The following PLEKHF1 variants were observed in gnomAD, a reference collection of about 807,000 sequenced individuals.
PLEKHF1 encodes the protein pleckstrin homology and FYVE domain containing 1, also known as pleckstrin homology domain-containing family F member 1.
A neutral mutation model predicts 4.1 loss-of-function variants in PLEKHF1; 1 was observed. The observed-to-expected ratio is 0.24, with a 90% CI of 0.09 to 1.15. The LOEUF (loss-of-function observed/expected upper bound fraction) is 1.15. Ranked by LOEUF, PLEKHF1 falls within the 50% of genes most tolerant of loss-of-function variation. The pLI is 0.52. For missense variants in PLEKHF1, 429 were observed against 400.6 expected (o/e 1.07, Z -0.60); for synonymous variants, 182 against 178.5 (o/e 1.02, Z -0.16).
chr19:29,666,920 C>T (rs1971575850), intron 1 of PLEKHF1: 1 of 152,282 alleles, frequency 6.6e-6, no homozygotes, highest in Non-Finnish European at 1.5e-5. Context: ...CAGGGCTGGA[C>T]AGAGCCCAGG....
At position 29,674,209 on chromosome 19, in the gene PLEKHF1, A is replaced by G; in HGVS notation, c.370A>G (p.Ser124Gly). The G allele has an allele frequency of 3.7e-6, 6 of 1,612,806 alleles. No individual in the cohort carries two copies. Among genetic ancestry groups the G allele is most frequent in the Non-Finnish European group, 5.1e-6 (6 of 1,179,828 alleles). Residue 124 changes from serine (S) to glycine (G), a missense_variant, in exon 2 of 2, where the codon AGC (serine) becomes GGC (glycine). Physicochemically the swap from Ser to Gly is moderately conservative, Grantham distance 56. Coordinates refer to ENST00000436066, the MANE Select transcript of PLEKHF1 (RefSeq NM_024310.5). Reference sequence around the variant, plus strand: ...CGCTACGGAGCGCCAGGAATGGATTAGCCACATCGAGGAGTGCGTGCGGCG... The same window carrying G: ...CGCTACGGAGCGCCAGGAATGGATTGGCCACATCGAGGAGTGCGTGCGGCG... ...ASATERQEWI[S>G]HIEECVRRQL...
At position 29,674,134 on chromosome 19, in the gene PLEKHF1, C is replaced by G. The variant is rs1971666487; in HGVS notation, c.295C>G (p.Arg99Gly). 5 of 1,613,752 alleles carry G rather than the reference C, an allele frequency of 3.1e-6. No individual in the cohort carries two copies. The highest frequency in any genetic ancestry group is 1.7e-5 in the Admixed American group (1 of 60,012). The change falls in exon 2 of 2, where the codon CGC (arginine) becomes GGC (glycine). Residue 99 changes from arginine (R) to glycine (G), a missense_variant. By Grantham distance (125) the Arg-to-Gly change is moderately radical. Transcript: ENST00000436066. ...GCCGGAGACGCTGCAGGCCAAGAAC[C>G]GCTGGATGATCAAGACGGCCAAGAA... ...LLPETLQAKN[R>G]WMIKTAKKSF...
In PLEKHF1 at chr19:29,674,727, G is replaced by T. The variant is rs1428078733; in HGVS notation, c.*48G>T. 7 of 1,532,638 alleles carry T rather than the reference G, an allele frequency of 4.6e-6. No homozygotes were observed. Among genetic ancestry groups the T allele is most frequent in the East Asian group, 4.6e-5 (2 of 43,630 alleles). The allele number at this position is 1,532,638 out of a possible 1,614,324, so 94.9% of individuals were successfully genotyped here. On this transcript the variant is annotated 3_prime_UTR_variant, in exon 2 of 2. Coordinates refer to ENST00000436066, the MANE Select transcript of PLEKHF1 (RefSeq NM_024310.5). The stretch of plus-strand genomic sequence containing the variant: ...TCCCCAAGCCAGCTCCACTGCCCAG[G>T]CCCCCAAGAGGGCAGCTCCAGAAGC...
intron 1 of PLEKHF1, among the ~76,000 whole-genome samples, chr19:29,670,778 C>T (rs991022258): frequency 1.2e-4 from 18 of 151,610 alleles, no homozygotes; most frequent in South Asian, 2.1e-4. Context: ...GCTGGGTTCA[C>T]GCCATTCTCC....
At chr19:29,668,193 C>T (rs1024335657) in intron 1 of PLEKHF1, among the ~76,000 whole-genome samples, 2 of 152,222 alleles carry the variant, frequency 1.3e-5, no homozygotes, top group African/African-American at 4.8e-5. Context: ...TGTTCGTTGC[C>T]TGGTCTCCCA....
intron 1 of PLEKHF1, among the ~76,000 whole-genome samples, chr19:29,669,550 C>T (rs1178981811): frequency 2.6e-5 from 4 of 152,162 alleles, no homozygotes; most frequent in Non-Finnish European, 4.4e-5. Flanking sequence ...CCCAGCCAGG[C>T]GTCCCATCAT....
chr19:29,667,525 G>A (rs1362491556), intron 1 of PLEKHF1, among the ~76,000 whole-genome samples: 1 of 152,162 alleles, frequency 6.6e-6, no homozygotes, highest in South Asian at 2.1e-4. Context: ...AAAGTCCAAA[G>A]GGCTGAGCTG....
rs368649144 is a variant in PLEKHF1, at chr19:29,673,940, G to A, written c.101G>A (p.Arg34Gln). ...ASGQPLALPG[R>Q]VLLGEGVLTK... ...GGGCAGCCGCTGGCGCTGCCAGGCC[G>A]AGTGCTGCTGGGCGAGGGCGTGCTG... The change falls in exon 2 of 2, where the codon CGA (arginine) becomes CAA (glutamine). Residue 34 changes from arginine (R) to glutamine (Q), a missense_variant. Coordinates refer to ENST00000436066, the MANE Select transcript of PLEKHF1 (RefSeq NM_024310.5). 1.9e-5 allele frequency: 30 copies of A among 1,613,650 alleles called. No homozygotes were observed. The highest frequency in any genetic ancestry group is 9.9e-5 in the South Asian group (9 of 91,086).
rs185153057 is a variant in PLEKHF1 at position 29,668,206 on chromosome 19, C to T, written c.-17+2701C>T. On this transcript the variant is annotated intron_variant, in intron 1 of 1. Transcript: ENST00000436066. ...TCTGTTCGTTGCCTGGTCTCCCAGG[C>T]TTACTGAGCCTGCGCTGGGGTCACC... Among the ~76,000 whole-genome samples the T allele has an allele frequency of 3.6e-4, 55 of 152,322 alleles. No homozygotes were observed. The East Asian group carries it at 5.0e-3, about 14-fold the overall frequency.
rs771801719 is a variant in PLEKHF1, at chr19:29,674,286, G to T, written c.447G>T (p.Trp149Cys). 2.5e-6 allele frequency: 4 copies of T among 1,597,074 alleles called. No individual in the cohort carries two copies. Among genetic ancestry groups the T allele is most frequent in the Non-Finnish European group, 3.4e-6 (4 of 1,176,856 alleles). The change falls in exon 2 of 2, where the codon TGG becomes TGT. Residue 149 changes from tryptophan to cysteine, a missense_variant. By Grantham distance (215) the Trp-to-Cys change is radical (BLOSUM62 -2). Transcript: ENST00000436066. Reference sequence around the variant, plus strand: ...CCAGCACGGAGCACGCGGCACCCTGGATCCCCGACAAGGCCACGGACATCT... The same window carrying T: ...CCAGCACGGAGCACGCGGCACCCTGTATCCCCGACAAGGCCACGGACATCT... Reference protein sequence around the residue: ...RPPSTEHAAPWIPDKATDICM... With the variant: ...RPPSTEHAAPCIPDKATDICM...
rs1002157993 is a variant in PLEKHF1 at position 29,675,222 on chromosome 19, G to A, written c.*543G>A. ...GCTCCCCGAAGCCCAGCCAGAGACTGCCGTGCTGTGGGTGCCACCAGGCCC... is the reference window on the plus strand; with the variant it reads ...GCTCCCCGAAGCCCAGCCAGAGACTACCGTGCTGTGGGTGCCACCAGGCCC... On this transcript the variant is annotated 3_prime_UTR_variant, in exon 2 of 2. Transcript: ENST00000436066. The A allele has an allele frequency of 1.2e-5, 2 of 167,790 alleles. No homozygotes were observed. Among genetic ancestry groups the A allele is most frequent in the African/African-American group, 4.8e-5 (2 of 41,466 alleles). 10.4% of individuals were successfully genotyped at this position (167,790 alleles called of 1,614,324 possible). A position where few individuals can be genotyped will look rare whatever the true frequency, so the allele number is the denominator to read the frequency against.
At chr19:29,669,275 G>A (rs1971603699) in intron 1 of PLEKHF1, among the ~76,000 whole-genome samples, 1 of 152,178 alleles carries the variant, frequency 6.6e-6, no homozygotes, top group African/African-American at 2.4e-5. Flanking sequence ...CCATCCACTT[G>A]GCTGGCCCAG....
In PLEKHF1 at chr19:29,673,985, A is replaced by T; in HGVS notation, c.146A>T (p.Lys49Met). 6.2e-7 allele frequency: 1 copy of T among 1,614,066 alleles called. No individual in the cohort carries two copies. The highest frequency in any genetic ancestry group is 8.5e-7 in the Non-Finnish European group (1 of 1,179,990). The change falls in exon 2 of 2, where the codon AAG (lysine) becomes ATG (methionine). Residue 49 changes from lysine to methionine, a missense_variant. By Grantham distance (95) the Lys-to-Met change is moderately conservative. Coordinates refer to ENST00000436066, the MANE Select transcript of PLEKHF1 (RefSeq NM_024310.5). ...EGVLTKECRK[K>M]AKPRIFFLFN... ...GTGCTGACCAAAGAGTGCCGCAAGA[A>T]GGCCAAGCCGCGCATCTTCTTCCTC... is the stretch of plus-strand genomic sequence containing the variant.
intron 1 of PLEKHF1, among the ~76,000 whole-genome samples, chr19:29,666,538 C>T (rs1271496947): frequency 6.6e-6 from 1 of 152,172 alleles, no homozygotes; most frequent in Non-Finnish European, 1.5e-5. Context: ...GAGGGTGGGA[C>T]AGCCCAGCCA....
At chr19:29,667,373 T>C (rs1971580402) in intron 1 of PLEKHF1, among the ~76,000 whole-genome samples, 1 of 151,902 alleles carries the variant, frequency 6.6e-6, no homozygotes, top group Non-Finnish European at 1.5e-5. Context: ...AGCTCCCGGC[T>C]GTAACCTCGC....
In PLEKHF1 at chr19:29,674,727, G is replaced by A; in HGVS notation, c.*48G>A. ...TCCCCAAGCCAGCTCCACTGCCCAG[G>A]CCCCCAAGAGGGCAGCTCCAGAAGC... On this transcript the variant is annotated 3_prime_UTR_variant, in exon 2 of 2. Coordinates refer to ENST00000436066, the MANE Select transcript of PLEKHF1 (RefSeq NM_024310.5). 2 of 1,532,638 alleles carry A rather than the reference G, an allele frequency of 1.3e-6. No individual in the cohort carries two copies. The highest frequency in any genetic ancestry group is 2.3e-5 in the East Asian group (1 of 43,630). 94.9% of individuals were successfully genotyped at this position (1,532,638 alleles called of 1,614,324 possible).
At chr19:29,668,728 A>C (rs1971596873) in intron 1 of PLEKHF1, among the ~76,000 whole-genome samples, 1 of 151,986 alleles carries the variant, frequency 6.6e-6, no homozygotes, top group Non-Finnish European at 1.5e-5. Context: ...TCAGAAAAAA[A>C]AAAAAAAGAA....
chr19:29,674,813 T>C lies in PLEKHF1; in HGVS notation c.*134T>C. 3.0e-6 allele frequency: 4 copies of C among 1,323,058 alleles called. No individual in the cohort carries two copies. The highest frequency in any genetic ancestry group is 1.0e-6 in the Non-Finnish European group (1 of 987,064). The allele number at this position is 1,323,058 out of a possible 1,614,324, so 82.0% of individuals were successfully genotyped here. On this transcript the variant is annotated 3_prime_UTR_variant, in exon 2 of 2. Coordinates refer to ENST00000436066, the MANE Select transcript of PLEKHF1 (RefSeq NM_024310.5). Reference sequence around the variant, plus strand: ...GGTGCAGCGGTGGGGAGTGGCTCTTTCTGGACTCCCAGTGCCTTTTTGCTG... The same window carrying C: ...GGTGCAGCGGTGGGGAGTGGCTCTTCCTGGACTCCCAGTGCCTTTTTGCTG...
In PLEKHF1 at chr19:29,673,863, G is replaced by A. The variant is rs1179264218; in HGVS notation, c.24G>A (p.Thr8=). 3 of 1,603,742 alleles carry A rather than the reference G, an allele frequency of 1.9e-6. No homozygotes were observed. The highest frequency in any genetic ancestry group is 1.7e-5 in the Admixed American group (1 of 59,654). ...CGATGGTGGACCACTTGGCCAACAC[G>A]GAGATCAACAGCCAGCGCATCGCGG... The part of the protein sequence containing the change: MVDHLAN[T]EINSQRIAAV... Residue 8 remains threonine (T), a synonymous_variant, in exon 2 of 2, where the codon ACG becomes ACA. Coordinates refer to ENST00000436066, the MANE Select transcript of PLEKHF1 (RefSeq NM_024310.5).
Sources: gnomAD v4.1 joint callset for allele counts (sites outside exome capture counted in the v4.1 genomes callset) on GRCh38, gnomAD v4.1.1 for gene constraint, MANE v1.5 for transcripts, NCBI Gene and HGNC (gene_info 2026-07-23, HGNC 2026-07-21) for gene names.